SIK2: variants seen among roughly 807,000 people sequenced by gnomAD.
SIK2 encodes serine/threonine-protein kinase SIK2.
Under a neutral mutation model 103.2 loss-of-function variants are expected in SIK2, and 29 were observed. The ratio of observed to expected loss-of-function variants is 0.28; its 90% CI spans 0.21 to 0.38. SIK2 has a LOEUF of 0.38. SIK2 is among the 10% of genes least tolerant of loss of function. The pLI is 1.00. For missense variants in SIK2, 879 were observed against 1,171.0 expected, an observed-to-expected ratio of 0.75 and a Z score of 3.64; for synonymous variants, 412 against 446.1, an observed-to-expected ratio of 0.92 and a Z score of 0.96.
At position 111,704,967 on chromosome 11, in the gene SIK2, C is replaced by T. The variant is rs1451950596; in HGVS notation, c.949-20C>T. 2.5e-6 allele frequency: 4 copies of T among 1,589,744 alleles called. No individual in the cohort carries two copies. The highest frequency in any genetic ancestry group is 1.4e-5 in the African/African-American group (1 of 72,990). On this transcript the variant is annotated intron_variant, in intron 7 of 14. Coordinates refer to ENST00000304987, the MANE Select transcript of SIK2 (RefSeq NM_015191.3). ...TGGTCTTTACAGTTCTTTGCCTTTACCACTTGTTTTTTATTTCAGTCTTTG... is the reference window on the plus strand; with the variant it reads ...TGGTCTTTACAGTTCTTTGCCTTTATCACTTGTTTTTTATTTCAGTCTTTG...
chr11:111,608,287 C>T (rs1941675193), intron 1 of SIK2, among the ~76,000 whole-genome samples: 1 of 152,070 alleles, frequency 6.6e-6, no homozygotes, highest in Middle Eastern at 3.2e-3. Context: ...ATACTTTAAA[C>T]AGATTAAGAG....
At chr11:111,624,987 G>A (rs1037775276) in intron 3 of SIK2, among the ~76,000 whole-genome samples, 3 of 152,092 alleles carry the variant, frequency 2.0e-5, no homozygotes, top group Admixed American at 6.5e-5. Flanking sequence ...AGTGTGCTTG[G>A]TGTGTCCAAG....
intron 4 of SIK2, among the ~76,000 whole-genome samples, chr11:111,690,119 T>C (rs1201458975): frequency 1.3e-5 from 2 of 152,168 alleles, no homozygotes; most frequent in South Asian, 2.1e-4. Context: ...CATTTGTTTT[T>C]TTCCCTTCCT....
intron 3 of SIK2, among the ~76,000 whole-genome samples, chr11:111,672,855 C>T (rs980970014): frequency 1.6e-4 from 25 of 152,148 alleles, no homozygotes; most frequent in African/African-American, 5.6e-4. Flanking sequence ...GACCACTATT[C>T]GTTTAAAATC....
intron 3 of SIK2, among the ~76,000 whole-genome samples, chr11:111,683,888 A>G (rs1162826560): frequency 6.6e-6 from 1 of 152,174 alleles, no homozygotes; most frequent in Non-Finnish European, 1.5e-5. Context: ...TTGCAGCCAC[A>G]TGTTTCTGGC....
At chr11:111,696,638 T>TAG (rs368927784) in intron 4 of SIK2, among the ~76,000 whole-genome samples, 67 of 152,236 alleles carry the variant, frequency 4.4e-4, no homozygotes, top group African/African-American at 1.5e-3. Flanking sequence ...CTGAGTCTGG[T>TAG]AGAGAGAGAG....
rs972042943 is a variant in SIK2, at chr11:111,728,807, C to T, written c.*4678C>T. ...GGCGTGGTGGTGGGCGCCTGTAGTT[C>T]CAGCTACTCGGGAGGCTGAGGCAGG... On this transcript the variant is annotated 3_prime_UTR_variant, in exon 15 of 15. Coordinates refer to ENST00000304987, the MANE Select transcript of SIK2 (RefSeq NM_015191.3). The T allele has an allele frequency of 6.6e-6, 1 of 151,968 alleles. No individual in the cohort carries two copies. The highest frequency in any genetic ancestry group is 1.5e-5 in the Non-Finnish European group (1 of 68,014). 9.4% of individuals were successfully genotyped at this position (151,968 alleles called of 1,614,324 possible). A position where few individuals can be genotyped will look rare whatever the true frequency, so the allele number is the denominator to read the frequency against.
intron 12 of SIK2, 22 bp downstream of exon 12, chr11:111,721,084 C>T (rs1565395384): frequency 3.1e-6 from 5 of 1,597,710 alleles, no homozygotes; most frequent in Non-Finnish European, 4.3e-6. Context: ...GGGCCCTTCC[C>T]TCAATGGCTC....
chr11:111,677,793 C>T (rs1942724526), intron 3 of SIK2, among the ~76,000 whole-genome samples: 1 of 152,128 alleles, frequency 6.6e-6, no homozygotes, highest in South Asian at 2.1e-4. Flanking sequence ...ATTTTATTTC[C>T]TTGTGGTTCC....
intron 3 of SIK2, among the ~76,000 whole-genome samples, chr11:111,649,364 A>G (rs1413858208): frequency 1.3e-5 from 2 of 152,142 alleles, no homozygotes; most frequent in Non-Finnish European, 2.9e-5. Flanking sequence ...ATCAGGTAAC[A>G]TCTCACTATA....
intron 3 of SIK2, among the ~76,000 whole-genome samples, chr11:111,652,194 A>G (rs1180004261): frequency 6.6e-6 from 1 of 152,210 alleles, no homozygotes; most frequent in African/African-American, 2.4e-5. Context: ...AATGTAATCA[A>G]TCTTGAGATA....
intron 3 of SIK2, among the ~76,000 whole-genome samples, chr11:111,666,683 A>G (rs1942547003): frequency 6.6e-6 from 1 of 152,160 alleles, no homozygotes; most frequent in Admixed American, 6.5e-5. Flanking sequence ...TCAGATTACT[A>G]AATTTCTGAT....
At chr11:111,604,957 A>ATTT (rs11412519) in intron 1 of SIK2, among the ~76,000 whole-genome samples, 13 of 133,920 alleles carry the variant, frequency 9.7e-5, no homozygotes, top group Non-Finnish European at 1.5e-4. Context: ...GTTGCTCTGA[A>ATTT]TTTTTTTTTT....
intron 3 of SIK2, among the ~76,000 whole-genome samples, chr11:111,683,831 G>A (rs1479951720): frequency 6.6e-6 from 1 of 152,148 alleles, no homozygotes; most frequent in African/African-American, 2.4e-5. Context: ...ACTTGAGCTT[G>A]GATTGTGTTC....
At chr11:111,691,133 A>G (rs1032414810) in intron 4 of SIK2, among the ~76,000 whole-genome samples, 3 of 152,248 alleles carry the variant, frequency 2.0e-5, no homozygotes, top group Non-Finnish European at 4.4e-5. Flanking sequence ...TAATTCTGGC[A>G]TAAAATATAC....
At position 111,722,875 on chromosome 11, in the gene SIK2, G is replaced by C. The variant is rs970506603; in HGVS notation, c.2147+119G>C. On this transcript the variant is annotated intron_variant, in intron 14 of 14. Transcript: ENST00000304987. The surrounding 1 kb of genome is among the most constrained non-coding windows in gnomAD (Gnocchi z 4.4). ...TACTAGGAAAATAGGTTTTCTGCGT[G>C]TGTCACAGGCCCTCTGAGCACGATT... The C allele has an allele frequency of 6.8e-6, 6 of 875,974 alleles. No individual in the cohort carries two copies. Among genetic ancestry groups the C allele is most frequent in the Non-Finnish European group, 1.1e-5 (6 of 559,220 alleles). 54.3% of individuals were successfully genotyped at this position (875,974 alleles called of 1,614,324 possible). A position where few individuals can be genotyped will look rare whatever the true frequency, so the allele number is the denominator to read the frequency against.
At position 111,720,881 on chromosome 11, in the gene SIK2, C is replaced by CTTGGTGCT; in HGVS notation, c.1781-15_1781-8dup. The CTTGGTGCT allele has an allele frequency of 6.2e-7, 1 of 1,611,890 alleles. No individual in the cohort carries two copies. Among genetic ancestry groups the CTTGGTGCT allele is most frequent in the South Asian group, 1.1e-5 (1 of 90,400 alleles). ...TTGTATTTTAGTTAAACTGTTTGGT[C>CTTGGTGCT]TTGGTGCTTTCTTTCAGGAATTGTA... On this transcript the variant is annotated splice_polypyrimidine_tract_variant and intron_variant, in intron 11 of 14. Transcript: ENST00000304987.
At chr11:111,650,939 G>T (rs942702558) in intron 3 of SIK2, among the ~76,000 whole-genome samples, 40 of 152,206 alleles carry the variant, frequency 2.6e-4, no homozygotes, top group Admixed American at 9.8e-4. Context: ...TAGAGGAAAA[G>T]TAATGTTTTA....
intron 3 of SIK2, among the ~76,000 whole-genome samples, chr11:111,662,060 G>T (rs1378803825): frequency 6.6e-6 from 1 of 152,114 alleles, no homozygotes; most frequent in African/African-American, 2.4e-5. Flanking sequence ...TTAACATCTT[G>T]CAGGGCACAC....
Sources: allele counts gnomAD v4.1 joint callset (sites outside exome capture counted in the v4.1 genomes callset), GRCh38; gene constraint gnomAD v4.1.1; non-coding constraint Gnocchi (gnomAD v3.1); transcripts MANE v1.5; gene names NCBI Gene and HGNC (gene_info 2026-07-23, HGNC 2026-07-21).